The following SYNE2 variants were observed in gnomAD, a reference collection of about 807,000 sequenced individuals.
SYNE2 encodes spectrin repeat containing nuclear envelope protein 2, also known as nesprin-2.
A neutral mutation model predicts 856.3 loss-of-function variants in SYNE2; 431 were observed. That is an observed-to-expected ratio of 0.50 (90% CI 0.47 to 0.55). SYNE2 has a LOEUF of 0.55. Ranked by LOEUF, SYNE2 falls within the 20% of genes least tolerant of loss-of-function variation. The pLI is 0.00. For missense variants in SYNE2, 8,129 were observed against 8,023.2 expected (o/e 1.01, Z -0.50); for synonymous variants, 2,923 against 2,872.3 (o/e 1.02, Z -0.56).
intron 12 of SYNE2, among the ~76,000 whole-genome samples, chr14:63,977,518 A>C (rs1487312560): frequency 6.6e-6 from 1 of 152,174 alleles, no homozygotes; most frequent in Non-Finnish European, 1.5e-5. Context: ...AGCCAAAAAT[A>C]TTTATTCACA....
chr14:64,002,741 A>G lies in SYNE2; in HGVS notation c.3808A>G (p.Lys1270Glu). The G allele has an allele frequency of 6.2e-7, 1 of 1,613,034 alleles. No homozygotes were observed. Among genetic ancestry groups the G allele is most frequent in the Non-Finnish European group, 8.5e-7 (1 of 1,179,940 alleles). Residue 1270 changes from lysine to glutamate, a missense_variant, in exon 30 of 116, where the codon AAA becomes GAA. Physicochemically the swap from Lys to Glu is moderately conservative, Grantham distance 56. Around this residue, in one of 3 missense-constraint regions of SYNE2, gnomAD observed 2,422 missense variants for 2,357.4 expected, o/e 1.03. Coordinates refer to ENST00000555002, the MANE Select transcript of SYNE2 (RefSeq NM_182914.3). ...HLRNIQDSIA[K>E]QIEICNRLEE... The stretch of plus-strand genomic sequence containing the variant: ...TTAGAATATCCAAGATTCCATAGCA[A>G]AACAGATTGAAATATGTAACCGCTT...
chr14:64,007,132 A>G lies in SYNE2; in HGVS notation c.4487A>G (p.His1496Arg). The G allele has an allele frequency of 1.2e-6, 2 of 1,613,522 alleles. No homozygotes were observed. Among genetic ancestry groups the G allele is most frequent in the Non-Finnish European group, 1.7e-6 (2 of 1,179,412 alleles). The stretch of plus-strand genomic sequence containing the variant: ...CAAGAAATGGCTAATTCTCTTCCAC[A>G]CTTCAAAGATGGCAGAGAAAAAACC... ...HLQEMANSLP[H>R]FKDGREKTVN... Residue 1496 changes from histidine (H) to arginine (R), a missense_variant, in exon 31 of 116, where the codon CAC becomes CGC. Physicochemically the swap from His to Arg is conservative, Grantham distance 29. Transcript: ENST00000555002.
intron 11 of SYNE2, among the ~76,000 whole-genome samples, chr14:63,970,656 T>C (rs1282240577): frequency 3.5e-4 from 50 of 141,496 alleles, no homozygotes; most frequent in African/African-American, 6.3e-4. Context: ...TTTTTCTTTT[T>C]TTTTTTTTTT....
chr14:64,163,588 CT>C lies in SYNE2; in HGVS notation c.16479+11del. The C allele has an allele frequency of 6.2e-7, 1 of 1,613,982 alleles. No homozygotes were observed. The highest frequency in any genetic ancestry group is 1.1e-5 in the South Asian group (1 of 91,078). On this transcript the variant is annotated splice_region_variant and intron_variant, in intron 89 of 115. Transcript: ENST00000555002. ...GAAAGCAAATGAATTTGAGGTTCAT[CT>C]TTTCTTTCCATTCAAGTTTTAGTCT...
At chr14:63,836,104 C>T (rs181577064) in intron 1 of SYNE2, among the ~76,000 whole-genome samples, 2 of 152,238 alleles carry the variant, frequency 1.3e-5, no homozygotes, top group East Asian at 3.9e-4. Context: ...GCAATGCAGC[C>T]TCGACTTCCT....
At chr14:63,901,873 C>T (rs1324751124) in intron 1 of SYNE2, among the ~76,000 whole-genome samples, 2 of 152,094 alleles carry the variant, frequency 1.3e-5, no homozygotes, top group African/African-American at 4.8e-5. Flanking sequence ...TTCAGTGAGC[C>T]ATGATAGCAC....
chr14:64,140,915 T>G (rs1009400559), intron 80 of SYNE2, among the ~76,000 whole-genome samples: 1 of 152,100 alleles, frequency 6.6e-6, no homozygotes, highest in Non-Finnish European at 1.5e-5. Flanking sequence ...TTATTTTTCA[T>G]ACTTCGTAGC....
At position 63,997,062 on chromosome 14, in the gene SYNE2, T is replaced by C; in HGVS notation, c.3056T>C (p.Leu1019Pro). The C allele has an allele frequency of 2.5e-6, 4 of 1,614,022 alleles. No homozygotes were observed. The highest frequency in any genetic ancestry group is 3.4e-6 in the Non-Finnish European group (4 of 1,179,962). The change falls in exon 24 of 116, where the codon CTC becomes CCC. Residue 1019 changes from leucine to proline, a missense_variant. Transcript: ENST00000555002. ...AGTCAACAAGAAGTGAAGAGACTAC[T>C]CAAAGATTATGAACAAAAGATAGAA... Reference protein sequence around the residue: ...QKSQQEVKRLLKDYEQKIERL... With the variant: ...QKSQQEVKRLPKDYEQKIERL...
chr14:64,093,093 G>A (rs2097642858), intron 60 of SYNE2, among the ~76,000 whole-genome samples: 1 of 152,046 alleles, frequency 6.6e-6, no homozygotes, highest in African/African-American at 2.4e-5. Flanking sequence ...AAATACTTAA[G>A]AGCAAAGGTG....
chr14:64,017,379 A>G (rs1432778029), intron 33 of SYNE2, among the ~76,000 whole-genome samples: 1 of 150,636 alleles, frequency 6.6e-6, no homozygotes, highest in Non-Finnish European at 1.5e-5. Flanking sequence ...ATTGATTTCA[A>G]TTGCATATAA....
chr14:63,925,747 A>G (rs1024626461), intron 2 of SYNE2, among the ~76,000 whole-genome samples: 6 of 152,198 alleles, frequency 3.9e-5, no homozygotes, highest in African/African-American at 4.8e-5. Flanking sequence ...GCTTCCACAG[A>G]TAAGTGAAAT....
intron 96 of SYNE2, among the ~76,000 whole-genome samples, chr14:64,182,957 G>A (rs2098466171): frequency 6.6e-6 from 1 of 152,020 alleles, no homozygotes. Flanking sequence ...CCCAGAAGGG[G>A]CGGCCGGGCA....
intron 99 of SYNE2, chr14:64,202,133 A>T (rs1448338798): frequency 1.4e-6 from 1 of 698,682 alleles, no homozygotes; most frequent in South Asian, 1.5e-5. Flanking sequence ...GGCGAGGGAG[A>T]TCACATTTAG....
At chr14:63,888,499 C>T (rs1471848928) in intron 1 of SYNE2, among the ~76,000 whole-genome samples, 1 of 152,198 alleles carries the variant, frequency 6.6e-6, no homozygotes, top group Non-Finnish European at 1.5e-5. Flanking sequence ...AAATTAGCCT[C>T]ATAGTATCAC....
At chr14:64,089,488 G>A in intron 58 of SYNE2, 86 bp from the exon 59 acceptor site, 1 of 1,309,404 alleles carries the variant, frequency 7.6e-7, no homozygotes, top group Admixed American at 2.0e-5. Flanking sequence ...GGCTAAATAA[G>A]AGAATAAAAT....
chr14:64,180,745 C>T (rs551527912), intron 96 of SYNE2, among the ~76,000 whole-genome samples: 1 of 152,268 alleles, frequency 6.6e-6, no homozygotes, highest in South Asian at 2.1e-4. Context: ...CTCAGGTGAT[C>T]CACCTGCTTT....
rs78337656 is a variant in SYNE2, at chr14:64,073,208, G to A, written c.10698-760G>A. The stretch of plus-strand genomic sequence containing the variant: ...GGGGTGTGTGTTGGAGGTAGGGGTG[G>A]TACTGAAAGTTCCAACCTTTTAATC... On this transcript the variant is annotated intron_variant, in intron 52 of 115. Coordinates refer to ENST00000555002, the MANE Select transcript of SYNE2 (RefSeq NM_182914.3). Among the ~76,000 whole-genome samples the A allele has an allele frequency of 4.6e-3, 697 of 152,222 alleles. 3 individuals are homozygous for A. The highest frequency in any genetic ancestry group is 0.016 in the African/African-American group (646 of 41,536).
chr14:63,999,094 C>G, intron 27 of SYNE2, 54 bp downstream of exon 27: 3 of 1,548,222 alleles, frequency 1.9e-6, no homozygotes, highest in Middle Eastern at 4.0e-4. Flanking sequence ...GAAAATAGTA[C>G]CACTGTGAGT....
chr14:63,762,303 T>C (rs201249983), intron 1 of SYNE2, among the ~76,000 whole-genome samples: 12 of 151,890 alleles, frequency 7.9e-5, no homozygotes, highest in Non-Finnish European at 1.8e-4. Flanking sequence ...GGCGTGGTGG[T>C]ACATGCCTGT....
Sources: allele counts gnomAD v4.1 joint callset (sites outside exome capture counted in the v4.1 genomes callset), GRCh38; gene constraint gnomAD v4.1.1; regional missense constraint gnomAD v4.1.1; transcripts MANE v1.5; gene names NCBI Gene and HGNC (gene_info 2026-07-23, HGNC 2026-07-21).